USP10: variants seen among roughly 807,000 people sequenced by gnomAD.
USP10 encodes ubiquitin specific peptidase 10.
A neutral mutation model predicts 84.5 loss-of-function variants in USP10; 22 were observed. That is an observed-to-expected ratio of 0.26 (90% confidence interval 0.19 to 0.37). The LOEUF (loss-of-function observed/expected upper bound fraction) is 0.37, where lower values mean the gene tolerates loss of function less well. USP10 is among the 10% of genes least tolerant of loss of function. USP10 has a pLI of 1.00. For synonymous variants in USP10, 454 were observed against 387.6 expected (o/e 1.17, Z -2.01); for missense variants, 1,019 against 998.9 (o/e 1.02, Z -0.27).
intron 1 of USP10, among the ~76,000 whole-genome samples, chr16:84,701,837 C>G (rs900708265): frequency 2.0e-5 from 3 of 151,638 alleles, no homozygotes; most frequent in South Asian, 4.2e-4. Flanking sequence ...GTTAGCAACA[C>G]TTTGGGTTTA....
intron 2 of USP10, among the ~76,000 whole-genome samples, chr16:84,734,298 A>G (rs1909617461): frequency 6.6e-6 from 1 of 152,122 alleles, no homozygotes; most frequent in South Asian, 2.1e-4. Context: ...TGGTGTTGGC[A>G]TATTTAAAAT....
chr16:84,758,132 T>G (rs1176891575), intron 4 of USP10, among the ~76,000 whole-genome samples: 1 of 152,214 alleles, frequency 6.6e-6, no homozygotes, highest in Non-Finnish European at 1.5e-5. Flanking sequence ...GAATTACAGT[T>G]TATAAAACAG....
intron 3 of USP10, among the ~76,000 whole-genome samples, chr16:84,741,793 A>G (rs2150816855): frequency 6.6e-6 from 1 of 152,220 alleles, no homozygotes; most frequent in Middle Eastern, 3.4e-3. Context: ...TTTCTCTTCC[A>G]GTGCCTGTTC....
chr16:84,740,490 GCTGTAAA>G, intron 3 of USP10, 121 bp downstream of exon 3: 1 of 783,120 alleles, frequency 1.3e-6, no homozygotes. Flanking sequence ...TGAAGTTTTT[GCTGTAAA>G]CTGTAATGTA....
chr16:84,773,688 C>T (rs1185948569), intron 12 of USP10, among the ~76,000 whole-genome samples: 1 of 152,164 alleles, frequency 6.6e-6, no homozygotes, highest in African/African-American at 2.4e-5. Flanking sequence ...TTTTTAATCC[C>T]ATTTGAGGAC....
At chr16:84,739,743 A>C (rs1051574192) in intron 2 of USP10, among the ~76,000 whole-genome samples, 1 of 152,236 alleles carries the variant, frequency 6.6e-6, no homozygotes, top group Non-Finnish European at 1.5e-5. Context: ...TCTGCCAAAC[A>C]AGGAATGTGA....
At chr16:84,702,082 A>AGTCTT (rs1904955306) in intron 1 of USP10, among the ~76,000 whole-genome samples, 1 of 83,628 alleles carries the variant, frequency 1.2e-5, no homozygotes, top group Non-Finnish European at 2.1e-5. Context: ...TTGAGACGGG[A>AGTCTT]GTCTTGCTCT....
At chr16:84,731,582 T>C (rs1167934695) in intron 1 of USP10, among the ~76,000 whole-genome samples, 1 of 152,176 alleles carries the variant, frequency 6.6e-6, no homozygotes, top group Non-Finnish European at 1.5e-5. Context: ...AAAAGTAGTT[T>C]ATAGAATTCT....
intron 2 of USP10, among the ~76,000 whole-genome samples, chr16:84,737,441 G>T (rs950136062): frequency 3.3e-5 from 5 of 152,200 alleles, no homozygotes; most frequent in Non-Finnish European, 5.9e-5. Context: ...TAGATACCCA[G>T]TTACCACAGA....
chr16:84,741,014 G>C (rs773265361), intron 3 of USP10, among the ~76,000 whole-genome samples: 17 of 152,332 alleles, frequency 1.1e-4, no homozygotes, highest in African/African-American at 3.4e-4. Flanking sequence ...ATTCAAACTT[G>C]TCGAGATCAT....
chr16:84,751,121 G>A (rs1911880679), intron 4 of USP10, among the ~76,000 whole-genome samples: 1 of 152,226 alleles, frequency 6.6e-6, no homozygotes, highest in Non-Finnish European at 1.5e-5. Context: ...AATTTCTAGT[G>A]ACCAGTGAGT....
rs116156397 is a variant in USP10, at chr16:84,778,761, C to A, written c.2210-134C>A. Reference sequence around the variant, plus strand: ...GAAATAGCATTGGTTTGTGTGATGACATCTCTCTGTCCCACCTGCTTTGGA... The same window carrying A: ...GAAATAGCATTGGTTTGTGTGATGAAATCTCTCTGTCCCACCTGCTTTGGA... On this transcript the variant is annotated intron_variant, in intron 13 of 13. Transcript: ENST00000219473. 1.7e-3 allele frequency: 1,443 copies of A among 832,146 alleles called. 15 individuals carry two copies. The African/African-American group carries it at 0.022, about 13-fold the overall frequency. The allele number at this position is 832,146 out of a possible 1,614,324, so 51.5% of individuals were successfully genotyped here.
chr16:84,756,350 T>C (rs1392575388), intron 4 of USP10, among the ~76,000 whole-genome samples: 1 of 152,214 alleles, frequency 6.6e-6, no homozygotes, highest in Non-Finnish European at 1.5e-5. Flanking sequence ...CCAAGCACTT[T>C]GGGAGACCAA....
chr16:84,725,847 C>T (rs773857476), intron 1 of USP10, among the ~76,000 whole-genome samples: 3 of 152,226 alleles, frequency 2.0e-5, no homozygotes, highest in Non-Finnish European at 4.4e-5. Context: ...TCATGCCAAA[C>T]AGTCTATTGC....
intron 10 of USP10, among the ~76,000 whole-genome samples, chr16:84,767,031 C>T (rs528810052): frequency 1.3e-5 from 2 of 152,286 alleles, no homozygotes; most frequent in African/African-American, 4.8e-5. Context: ...CTCTCATGAG[C>T]GGTTTCCCCA....
chr16:84,768,397 G>C, intron 11 of USP10, 39 bp downstream of exon 11: 1 of 1,488,790 alleles, frequency 6.7e-7, no homozygotes, highest in Non-Finnish European at 9.0e-7. Context: ...CTACTAAGGT[G>C]CTCTGGTTTG....
intron 4 of USP10, 48 bp downstream of exon 4, chr16:84,745,721 C>A: frequency 6.5e-7 from 1 of 1,539,282 alleles, no homozygotes; most frequent in South Asian, 1.2e-5. Context: ...GAGCAGACCT[C>A]ATCAACTGGG....
chr16:84,701,860 A>G (rs1010954320), intron 1 of USP10, among the ~76,000 whole-genome samples: 24 of 151,638 alleles, frequency 1.6e-4, no homozygotes, highest in Non-Finnish European at 2.9e-4. Flanking sequence ...CTTTTAAAGT[A>G]TGATTTAAAT....
chr16:84,713,933 C>A (rs1444615085), intron 1 of USP10, among the ~76,000 whole-genome samples: 2 of 152,192 alleles, frequency 1.3e-5, no homozygotes, highest in African/African-American at 4.8e-5. Flanking sequence ...GGAGAGTTGT[C>A]GGGGCTGCAG....
Sources: gnomAD v4.1 joint callset for allele counts (sites outside exome capture counted in the v4.1 genomes callset) on GRCh38, gnomAD v4.1.1 for gene constraint, MANE v1.5 for transcripts, NCBI Gene and HGNC (gene_info 2026-07-23, HGNC 2026-07-21) for gene names.